SAMD12: variants seen among roughly 807,000 people sequenced by gnomAD.
SAMD12 encodes the protein sterile alpha motif domain containing 12.
A neutral mutation model predicts 15.0 loss-of-function variants in SAMD12; 9 were observed. The ratio of observed to expected loss-of-function variants is 0.60; its 90% CI spans 0.36 to 1.05. The LOEUF (loss-of-function observed/expected upper bound fraction) is 1.05. Among genes scored for constraint, SAMD12 ranks in the 50% least tolerant of loss-of-function variants. The probability of loss-of-function intolerance (pLI) is 0.01; values close to 1 mark genes in which losing one functional copy is unlikely to be tolerated. For synonymous variants in SAMD12, 86 were observed against 90.1 expected, an observed-to-expected ratio of 0.96 and a Z score of 0.25; for missense variants, 230 against 234.2, an observed-to-expected ratio of 0.98 and a Z score of 0.12.
intron 2 of SAMD12, among the ~76,000 whole-genome samples, chr8:118,447,160 CCAGATGTCAATCTCTTCATTACCAA>C (rs1311149125): frequency 2.0e-5 from 3 of 152,074 alleles, no homozygotes; most frequent in African/African-American, 7.3e-5. Flanking sequence ...TCAAATGTAT[CCAGATGTCAATCTCTTCATTACCAA>C]CATTGCTACA....
chr8:118,514,888 T>C (rs1825189794), intron 2 of SAMD12, among the ~76,000 whole-genome samples: 2 of 152,240 alleles, frequency 1.3e-5, no homozygotes, highest in African/African-American at 2.4e-5. Context: ...TGTCAAATTG[T>C]AATTCCCAAT....
At chr8:118,165,603 CAT>C in the SAMD12 span, among the ~76,000 whole-genome samples, 51 of 76,236 alleles carry the variant, frequency 6.7e-4, 1 homozygote, top group Admixed American at 6.2e-3. Context: ...TACATATATA[CAT>C]ATATATATGT....
In SAMD12 at chr8:118,611,406, C is replaced by T. The variant is rs1001434315; in HGVS notation, c.13+10398G>A. Among the ~76,000 whole-genome samples the T allele has an allele frequency of 2.0e-5, 3 of 152,190 alleles. No individual in the cohort carries two copies. The South Asian group carries it at 6.2e-4, about 31-fold the overall frequency. On this transcript the variant is annotated intron_variant, in intron 1 of 3. Coordinates refer to ENST00000314727, the MANE Select transcript of SAMD12 (RefSeq NM_207506.3). ...AAGCACGGATACATACCTGGTGCTA[C>T]TCTCAGAGATGGAAAGAGAACAAAA...
chr8:118,255,099 G>A (rs1041553669), intron 4 of SAMD12, among the ~76,000 whole-genome samples: 11 of 152,038 alleles, frequency 7.2e-5, no homozygotes, highest in South Asian at 2.1e-4. Context: ...AGCTTAAGCC[G>A]CATCACTGTG....
At chr8:118,406,600 A>T (rs929716556) in intron 3 of SAMD12, among the ~76,000 whole-genome samples, 1 of 152,158 alleles carries the variant, frequency 6.6e-6, no homozygotes, top group Non-Finnish European at 1.5e-5. Flanking sequence ...TGGACAACTC[A>T]GTAGTGTTAA....
chr8:118,411,811 A>G (rs886215147), intron 3 of SAMD12, among the ~76,000 whole-genome samples: 15 of 152,178 alleles, frequency 9.9e-5, no homozygotes, highest in African/African-American at 3.4e-4. Flanking sequence ...ACACTGTGTG[A>G]CAATTACTCA....
chr8:118,621,685 G>C, intron 1 of SAMD12, 119 bp downstream of exon 1: 1 of 1,160,746 alleles, frequency 8.6e-7, no homozygotes, highest in East Asian at 2.3e-5. Flanking sequence ...GGAGGAAGGG[G>C]CCCGCTCTCC....
At chr8:118,604,715 A>G (rs894728261) in intron 1 of SAMD12, among the ~76,000 whole-genome samples, 2 of 151,998 alleles carry the variant, frequency 1.3e-5, no homozygotes, top group African/African-American at 4.8e-5. Flanking sequence ...AGGTCAGGAG[A>G]TCAAGACCAT....
At chr8:118,161,947 G>A in the SAMD12 span, among the ~76,000 whole-genome samples, 1 of 151,708 alleles carries the variant, frequency 6.6e-6, no homozygotes, top group Non-Finnish European at 1.5e-5. Flanking sequence ...ATTACCTGAG[G>A]TCAGGAGTTC....
the SAMD12 span, among the ~76,000 whole-genome samples, chr8:118,176,094 G>A: frequency 7.2e-5 from 11 of 152,304 alleles, no homozygotes; most frequent in East Asian, 2.1e-3. Context: ...AAGGTCAGGA[G>A]ATCGAGACCA....
At position 118,621,947 on chromosome 8, in the gene SAMD12, G is replaced by A; in HGVS notation, c.-131C>T. ...TCTGCTCCAGGACCAACCTGCCGCG[G>A]TCACGCAAAGCGAGGCAGCCGGCTC... On this transcript the variant is annotated 5_prime_UTR_variant, in exon 1 of 4. Coordinates refer to ENST00000314727, the MANE Select transcript of SAMD12 (RefSeq NM_207506.3). 8.7e-7 allele frequency: 1 copy of A among 1,147,468 alleles called. No homozygotes were observed. Among genetic ancestry groups the A allele is most frequent in the Non-Finnish European group, 1.3e-6 (1 of 759,464 alleles). 71.1% of individuals were successfully genotyped at this position (1,147,468 alleles called of 1,614,324 possible). A position where few individuals can be genotyped will look rare whatever the true frequency, so the allele number is the denominator to read the frequency against.
chr8:118,568,844 A>G (rs2131228757), intron 2 of SAMD12, among the ~76,000 whole-genome samples: 1 of 152,326 alleles, frequency 6.6e-6, no homozygotes, highest in Non-Finnish European at 1.5e-5. Flanking sequence ...CCTCAGTTGA[A>G]AAAGCATATT....
intron 4 of SAMD12, among the ~76,000 whole-genome samples, chr8:118,289,099 C>T (rs954875451): frequency 3.9e-5 from 6 of 152,182 alleles, no homozygotes; most frequent in African/African-American, 1.4e-4. Flanking sequence ...AATTCATCTT[C>T]TTTTCTTCCC....
chr8:118,137,172 T>C, the SAMD12 span, among the ~76,000 whole-genome samples: 1 of 152,210 alleles, frequency 6.6e-6, no homozygotes, highest in Non-Finnish European at 1.5e-5. Flanking sequence ...CCACTTGGTG[T>C]TCACTCTATG....
the SAMD12 span, among the ~76,000 whole-genome samples, chr8:118,133,010 ATATATATATATATAT>A: frequency 2.8e-5 from 3 of 107,118 alleles, no homozygotes; most frequent in South Asian, 9.0e-4. Context: ...ATATATATAT[ATATATATATATATAT>A]ATCTTATTAC....
At chr8:118,591,261 A>G (rs930186159) in intron 1 of SAMD12, among the ~76,000 whole-genome samples, 1 of 152,226 alleles carries the variant, frequency 6.6e-6, no homozygotes, top group Non-Finnish European at 1.5e-5. Flanking sequence ...CTTTTGATTT[A>G]CATGTTTTCA....
At chr8:118,473,110 C>T (rs1823852470) in intron 2 of SAMD12, among the ~76,000 whole-genome samples, 2 of 152,104 alleles carry the variant, frequency 1.3e-5, no homozygotes, top group South Asian at 2.1e-4. Context: ...CAAGGTATGT[C>T]GCTCCCTGCC....
intron 1 of SAMD12, among the ~76,000 whole-genome samples, chr8:118,601,389 C>G (rs73319375): frequency 0.052 from 7,909 of 152,174 alleles, 551 homozygotes; most frequent in East Asian, 0.35. Context: ...TAGCTTAAAA[C>G]AATAAATTAT....
downstream of SAMD12, among the ~76,000 whole-genome samples, chr8:118,187,017 C>T (rs1819254500): frequency 6.6e-6 from 1 of 152,112 alleles, no homozygotes; most frequent in Non-Finnish European, 1.5e-5. Flanking sequence ...TTCTTATTCC[C>T]CTCTTGAACT....
Sources: allele counts gnomAD v4.1 joint callset (sites outside exome capture counted in the v4.1 genomes callset), GRCh38; gene constraint gnomAD v4.1.1; transcripts MANE v1.5; gene names NCBI Gene and HGNC (gene_info 2026-07-23, HGNC 2026-07-21).